Variants in PLXNA2 observed in about 807,000 individuals in gnomAD.
PLXNA2 encodes the protein plexin A2, also known as plexin-A2.
In PLXNA2, 91 loss-of-function variants were observed where a neutral mutation model predicts 193.5. The observed-to-expected ratio is 0.47, with a 90% CI of 0.40 to 0.56. PLXNA2 has a LOEUF of 0.56. Ranked by LOEUF, PLXNA2 falls within the 20% of genes least tolerant of loss-of-function variation. The pLI is 0.00. For missense variants in PLXNA2, 1,995 were observed against 2,503.2 expected (o/e 0.80, Z 4.33); for synonymous variants, 997 against 1,027.3 (o/e 0.97, Z 0.56).
chr1:208,132,100 T>C (rs1306378859), intron 4 of PLXNA2, among the ~76,000 whole-genome samples: 1 of 152,158 alleles, frequency 6.6e-6, no homozygotes, highest in Non-Finnish European at 1.5e-5. Flanking sequence ...GGCGAGGTGC[T>C]TTTTCTCCCT....
At chr1:208,097,263 C>A (rs1355013976) in intron 6 of PLXNA2, among the ~76,000 whole-genome samples, 2 of 152,216 alleles carry the variant, frequency 1.3e-5, no homozygotes, top group Non-Finnish European at 2.9e-5. Flanking sequence ...GAGCCCTTCA[C>A]AGACAAGGCC....
chr1:208,058,388 G>A (rs781334468), intron 13 of PLXNA2, among the ~76,000 whole-genome samples: 2 of 152,200 alleles, frequency 1.3e-5, no homozygotes, highest in Non-Finnish European at 2.9e-5. Flanking sequence ...GTGATAGATG[G>A]CGCAGCACAA....
chr1:208,079,353 C>A lies in PLXNA2; in HGVS notation c.2493G>T (p.Arg831Ser). The A allele has an allele frequency of 6.2e-7, 1 of 1,613,546 alleles. No homozygotes were observed. Among genetic ancestry groups the A allele is most frequent in the South Asian group, 1.1e-5 (1 of 91,034 alleles). Reference sequence around the variant, plus strand: ...TGGTACAGTGCTGGTGGAGGGTGCACCTGCGCTCGCCGCTGCACCAGCCAC... The same window carrying A: ...TGGTACAGTGCTGGTGGAGGGTGCAACTGCGCTCGCCGCTGCACCAGCCAC... ...FECGWCSGER[R>S]CTLHQHCTSP... The change falls in exon 12 of 32, where the codon AGG (arginine) becomes AGT (serine). Residue 831 changes from arginine to serine, a missense_variant. Around this residue, in one of 3 missense-constraint regions of PLXNA2, gnomAD observed 1,291 missense variants for 1,673.6 expected, o/e 0.77. Coordinates refer to ENST00000367033, the MANE Select transcript of PLXNA2 (RefSeq NM_025179.4).
At chr1:208,100,060 GT>G (rs1371821672) in intron 5 of PLXNA2, among the ~76,000 whole-genome samples, 2 of 151,788 alleles carry the variant, frequency 1.3e-5, no homozygotes, top group Admixed American at 6.6e-5. Flanking sequence ...CTCTGCCTCA[GT>G]TTCCTCAACT....
chr1:208,059,858 C>T (rs1558170422), intron 13 of PLXNA2, among the ~76,000 whole-genome samples: 1 of 151,846 alleles, frequency 6.6e-6, no homozygotes, highest in Non-Finnish European at 1.5e-5. Context: ...AGGCTGGCTC[C>T]GGTGGGGGGG....
intron 12 of PLXNA2, among the ~76,000 whole-genome samples, chr1:208,076,818 T>G (rs758094478): frequency 2.8e-4 from 43 of 152,228 alleles, no homozygotes; most frequent in Non-Finnish European, 1.0e-4. Context: ...TAAGGCACGT[T>G]TATTAGATGG....
chr1:208,155,670 C>T (rs1165342385), intron 3 of PLXNA2, among the ~76,000 whole-genome samples: 1 of 152,190 alleles, frequency 6.6e-6, no homozygotes, highest in Non-Finnish European at 1.5e-5. Flanking sequence ...GGAGGACCCG[C>T]CTGGGGCCTA....
rs900307786 is a variant in PLXNA2 at position 208,043,294 on chromosome 1, G to A, written c.3875-91C>T. On this transcript the variant is annotated intron_variant, in intron 20 of 31. Coordinates refer to ENST00000367033, the MANE Select transcript of PLXNA2 (RefSeq NM_025179.4). ...AAGAAGTTTGCAAAGGACGAGGGGA[G>A]GACCTTTTGTAGAGACTCTGAGGAT... 5 of 1,291,686 alleles carry A rather than the reference G, an allele frequency of 3.9e-6. No individual in the cohort carries two copies. The African/African-American group carries it at 4.4e-5, about 11-fold the overall frequency. 80.0% of individuals were successfully genotyped at this position (1,291,686 alleles called of 1,614,324 possible).
intron 1 of PLXNA2, among the ~76,000 whole-genome samples, chr1:208,239,406 C>T (rs933165197): frequency 6.6e-6 from 1 of 152,200 alleles, no homozygotes; most frequent in East Asian, 1.9e-4. Context: ...TTGCTGTCTT[C>T]CTCCCTCTCT....
At chr1:208,115,723 G>A (rs1017027060) in intron 4 of PLXNA2, among the ~76,000 whole-genome samples, 1 of 152,182 alleles carries the variant, frequency 6.6e-6, no homozygotes, top group African/African-American at 2.4e-5. Context: ...TACTCATAGT[G>A]TTGTCAGGAA....
At chr1:208,056,592 C>G (rs1313180913) in intron 13 of PLXNA2, among the ~76,000 whole-genome samples, 1 of 152,100 alleles carries the variant, frequency 6.6e-6, no homozygotes, top group Non-Finnish European at 1.5e-5. Context: ...GGACATTTTC[C>G]TGCTTGGGGC....
intron 12 of PLXNA2, among the ~76,000 whole-genome samples, chr1:208,075,234 C>A (rs1398277796): frequency 1.3e-5 from 2 of 151,946 alleles, no homozygotes; most frequent in African/African-American, 4.8e-5. Context: ...TCCCTTGAAC[C>A]CGGAGGCGGG....
chr1:208,094,603 G>A (rs1229125497), intron 8 of PLXNA2, among the ~76,000 whole-genome samples: 2 of 152,224 alleles, frequency 1.3e-5, no homozygotes, highest in Non-Finnish European at 2.9e-5. Context: ...GAGGTAAGAA[G>A]TTCTGTTGCC....
In PLXNA2 at chr1:208,145,527, C is replaced by A. The variant is rs7527417; in HGVS notation, c.1372-3064G>T. 9.9e-3 allele frequency among the ~76,000 whole-genome samples: 1,511 copies of A among 152,320 alleles called. 29 individuals carry two copies. The highest frequency in any genetic ancestry group is 0.033 in the African/African-American group (1,386 of 41,566). The stretch of plus-strand genomic sequence containing the variant: ...GTTGGCCTCTACCCTCTCCCAGAGC[C>A]TGGGCACTTGCGTGGATTCAGCAAG... On this transcript the variant is annotated intron_variant, in intron 3 of 31. Transcript: ENST00000367033.
At chr1:208,125,075 T>C (rs1253993785) in intron 4 of PLXNA2, among the ~76,000 whole-genome samples, 2 of 152,210 alleles carry the variant, frequency 1.3e-5, no homozygotes, top group Non-Finnish European at 2.9e-5. Flanking sequence ...AGACCCAAAT[T>C]CACTTCAAAA....
chr1:208,217,680 C>T lies in PLXNA2; in HGVS notation c.243G>A (p.Val81=), dbSNP rs1213924550. 1.2e-6 allele frequency: 2 copies of T among 1,614,084 alleles called. No homozygotes were observed. The highest frequency in any genetic ancestry group is 1.7e-6 in the Non-Finnish European group (2 of 1,180,050). Residue 81 remains valine (V), a synonymous_variant, in exon 2 of 32, where the codon GTG becomes GTA. Coordinates refer to ENST00000367033, the MANE Select transcript of PLXNA2 (RefSeq NM_025179.4). The surrounding 1 kb of genome is among the most constrained non-coding windows in gnomAD (Gnocchi z 4.7). ...CCTCTTCTGGCCCTGTCTTATGAGCCACCTGGATGGTCAGGTTGCCTGTCA... is the reference window on the plus strand; with the variant it reads ...CCTCTTCTGGCCCTGTCTTATGAGCTACCTGGATGGTCAGGTTGCCTGTCA... ...YKLTGNLTIQ[V]AHKTGPEEDN... is the part of the protein sequence containing the mutation.
chr1:208,200,027 C>T (rs1670490670), intron 3 of PLXNA2, among the ~76,000 whole-genome samples: 1 of 152,244 alleles, frequency 6.6e-6, no homozygotes, highest in South Asian at 2.1e-4. Context: ...CTCTTCCCCT[C>T]AATTGTCAAG....
chr1:208,114,842 A>AAG (rs1571932990), intron 4 of PLXNA2, among the ~76,000 whole-genome samples: 1 of 152,062 alleles, frequency 6.6e-6, no homozygotes, highest in African/African-American at 2.4e-5. Context: ...ATGTGTGTGA[A>AAG]AGAGAGAGAG....
rs189765534 is a variant in PLXNA2, at chr1:208,062,648, A to G, written c.2587-1811T>C. 7.9e-4 allele frequency among the ~76,000 whole-genome samples: 121 copies of G among 152,292 alleles called. 4 individuals carry two copies. Among genetic ancestry groups the G allele is most frequent in the Middle Eastern group, 6.8e-3 (2 of 294 alleles). ...TCTGACTCCCTTGTCTGAAAATAAA[A>G]TATCCCCCTTATGAATAAAAATAAA... On this transcript the variant is annotated intron_variant, in intron 12 of 31. Coordinates refer to ENST00000367033, the MANE Select transcript of PLXNA2 (RefSeq NM_025179.4).
Sources: gnomAD v4.1 joint callset for allele counts (sites outside exome capture counted in the v4.1 genomes callset) on GRCh38, gnomAD v4.1.1 for gene constraint, gnomAD v4.1.1 regional missense constraint, Gnocchi (gnomAD v3.1) non-coding constraint, MANE v1.5 for transcripts, NCBI Gene and HGNC (gene_info 2026-07-23, HGNC 2026-07-21) for gene names.